The following IL1RAPL1 variants were observed in gnomAD, a reference collection of about 807,000 sequenced individuals.
IL1RAPL1 encodes the protein interleukin 1 receptor accessory protein like 1.
In IL1RAPL1, 3 loss-of-function variants were observed where a neutral mutation model predicts 48.4. The ratio of observed to expected loss-of-function variants is 0.06; its 90% CI spans 0.03 to 0.16. The LOEUF is 0.16. Among genes scored for constraint, IL1RAPL1 ranks in the 10% least tolerant of loss-of-function variants. The pLI is 1.00. For missense variants in IL1RAPL1, 349 were observed against 530.6 expected, an observed-to-expected ratio of 0.66 and a Z score of 3.36; for synonymous variants, 185 against 187.7, an observed-to-expected ratio of 0.99 and a Z score of 0.12.
intron 5 of IL1RAPL1, among the ~76,000 whole-genome samples, chrX:29,550,396 G>A (rs1032004884): frequency 1.9e-4 from 21 of 110,621 alleles, no homozygotes; most frequent in African/African-American, 5.9e-4. Context: ...GGGTTTCACC[G>A]TGGTCTTGAT....
intron 5 of IL1RAPL1, among the ~76,000 whole-genome samples, chrX:29,427,927 G>GTT (rs1207974749): frequency 5.4e-5 from 6 of 111,708 alleles, no homozygotes; most frequent in Admixed American, 9.6e-5. Context: ...GGAAGGGACT[G>GTT]TTATCATCCT....
intron 6 of IL1RAPL1, among the ~76,000 whole-genome samples, chrX:29,785,462 T>C (rs1315839986): frequency 8.9e-6 from 1 of 112,115 alleles, no homozygotes; most frequent in African/African-American, 3.2e-5. Context: ...AGTTTGATAG[T>C]TTTTAAAAAT....
At chrX:29,193,883 G>A (rs1930396799) in intron 2 of IL1RAPL1, among the ~76,000 whole-genome samples, 1 of 111,759 alleles carries the variant, frequency 8.9e-6, no homozygotes, top group Non-Finnish European at 1.9e-5. Flanking sequence ...GAGTAAACTG[G>A]ATAAAGAGGA....
At chrX:29,565,628 G>A (rs57595882) in intron 5 of IL1RAPL1, among the ~76,000 whole-genome samples, 14,522 of 111,338 alleles carry the variant, frequency 0.13, 1,159 homozygotes, top group African/African-American at 0.3. Context: ...ATTCTAAATT[G>A]TCAGACAATT....
At chrX:29,384,307 A>G (rs766284022) in intron 3 of IL1RAPL1, among the ~76,000 whole-genome samples, 1 of 111,957 alleles carries the variant, frequency 8.9e-6, no homozygotes, top group South Asian at 3.7e-4. Flanking sequence ...ACCAGAACCC[A>G]GAAACTGAAA....
At chrX:29,232,795 T>A (rs942447085) in intron 2 of IL1RAPL1, among the ~76,000 whole-genome samples, 2 of 111,204 alleles carry the variant, frequency 1.8e-5, no homozygotes, top group South Asian at 3.8e-4. Context: ...TTTTATTTTT[T>A]TTTACTTTTT....
At chrX:29,303,181 C>T (rs904692015) in intron 3 of IL1RAPL1, among the ~76,000 whole-genome samples, 6 of 111,588 alleles carry the variant, frequency 5.4e-5, no homozygotes, top group African/African-American at 9.8e-5. Context: ...ATACGGTAGA[C>T]GTTTGGGTGG....
intron 5 of IL1RAPL1, among the ~76,000 whole-genome samples, chrX:29,418,714 G>A (rs1343292867): frequency 4.5e-5 from 5 of 111,778 alleles, no homozygotes; most frequent in African/African-American, 1.6e-4. Context: ...CAGCAAATAG[G>A]TAGTAAGCTA....
At chrX:29,953,022 A>C (rs1371174327) in intron 9 of IL1RAPL1, among the ~76,000 whole-genome samples, 3 of 112,126 alleles carry the variant, frequency 2.7e-5, no homozygotes, top group Non-Finnish European at 3.8e-5. Flanking sequence ...TATATATCTC[A>C]GGAAGTGAAT....
intron 1 of IL1RAPL1, among the ~76,000 whole-genome samples, chrX:28,669,445 C>T (rs973239198): frequency 1.2e-4 from 13 of 108,461 alleles, no homozygotes; most frequent in African/African-American, 2.0e-4. Context: ...ATGGTGAAAC[C>T]GTGTTTCTAC....
intron 1 of IL1RAPL1, among the ~76,000 whole-genome samples, chrX:28,764,640 T>C (rs1040112246): frequency 3.8e-5 from 3 of 77,964 alleles, no homozygotes; most frequent in Admixed American, 1.5e-4. Context: ...TACTCTTCTG[T>C]TAATTCAAGT....
intron 2 of IL1RAPL1, among the ~76,000 whole-genome samples, chrX:28,815,370 CAT>C (rs1303355355): frequency 1.8e-5 from 2 of 110,010 alleles, no homozygotes; most frequent in African/African-American, 6.6e-5. Context: ...TTTAGGGGCA[CAT>C]GTGATGATTT....
chrX:29,437,401 G>A (rs1005629822), intron 5 of IL1RAPL1, among the ~76,000 whole-genome samples: 5 of 110,300 alleles, frequency 4.5e-5, no homozygotes, highest in African/African-American at 9.8e-5. Context: ...ATTTTATTTC[G>A]TTTTCTTGCC....
intron 1 of IL1RAPL1, among the ~76,000 whole-genome samples, chrX:28,629,783 A>C (rs1449655074): frequency 9.0e-6 from 1 of 111,608 alleles, no homozygotes; most frequent in African/African-American, 3.3e-5. Context: ...CATTACAGAA[A>C]CACTACCTGG....
At chrX:29,654,703 C>T (rs1269226952) in intron 5 of IL1RAPL1, among the ~76,000 whole-genome samples, 3 of 111,560 alleles carry the variant, frequency 2.7e-5, no homozygotes, top group Non-Finnish European at 5.7e-5. Context: ...GGGGACACAG[C>T]CAAACCATAT....
chrX:29,057,871 T>C (rs1274946194), intron 2 of IL1RAPL1, among the ~76,000 whole-genome samples: 1 of 111,945 alleles, frequency 8.9e-6, no homozygotes, highest in East Asian at 2.8e-4. Context: ...AAGTCAAATA[T>C]TTAAAATAAT....
intron 2 of IL1RAPL1, among the ~76,000 whole-genome samples, chrX:29,205,851 C>A (rs1472659246): frequency 9.1e-6 from 1 of 109,596 alleles, no homozygotes; most frequent in African/African-American, 3.3e-5. Context: ...TCTCCTGCCT[C>A]AGCCTCCTGA....
At chrX:29,304,346 G>A (rs752238240) in intron 3 of IL1RAPL1, among the ~76,000 whole-genome samples, 1 of 111,083 alleles carries the variant, frequency 9.0e-6, no homozygotes, top group East Asian at 2.8e-4. Flanking sequence ...TACTCAGGAA[G>A]TATTTATTTT....
At chrX:29,202,438 G>A (rs1228908304) in intron 2 of IL1RAPL1, among the ~76,000 whole-genome samples, 1 of 112,170 alleles carries the variant, frequency 8.9e-6, no homozygotes, top group Admixed American at 9.5e-5. Flanking sequence ...AGCCATTCTG[G>A]AAAGTAGTTT....
Sources: allele counts gnomAD v4.1 joint callset (sites outside exome capture counted in the v4.1 genomes callset), GRCh38; gene constraint gnomAD v4.1.1; transcripts MANE v1.5; gene names NCBI Gene and HGNC (gene_info 2026-07-23, HGNC 2026-07-21).